PTPRD: variants seen among roughly 807,000 people sequenced by gnomAD.
The protein encoded by PTPRD is receptor-type tyrosine-protein phosphatase delta.
PTPRD carries 34 observed loss-of-function variants against 214.5 expected under a neutral mutation model. The observed-to-expected ratio is 0.16, with a 90% confidence interval of 0.12 to 0.21. The LOEUF is 0.21. Among genes scored for constraint, PTPRD ranks in the 10% least tolerant of loss-of-function variants. The probability of loss-of-function intolerance (pLI) is 1.00; values close to 1 mark genes in which losing one functional copy is unlikely to be tolerated. For missense variants in PTPRD, 2,545 were observed against 2,398.7 expected (o/e 1.06, Z -1.27); for synonymous variants, 1,128 against 845.7 (o/e 1.33, Z -5.79).
Position 10,343,978 on chromosome 9 carries a change from GTTTTTTTTTTTTT to G in PTPRD, c.-599-2974_-599-2962del, listed in dbSNP as rs139613939. 3.5e-3 allele frequency among the ~76,000 whole-genome samples: 111 copies of G among 31,678 alleles called. 3 individuals are homozygous for G. The East Asian group carries it at 0.061, about 17-fold the overall frequency. 20.8% of individuals were successfully genotyped at this position (31,678 alleles called of 152,430 possible). A position where few individuals can be genotyped will look rare whatever the true frequency, so the allele number is the denominator to read the frequency against. The stretch of plus-strand genomic sequence containing the variant: ...AGGTTGCCTGTTCATTCTGATGGTA[GTTTTTTTTTTTTT>G]TTTTTTTTTTTTTTTTGCTGTGCAG... On this transcript the variant is annotated intron_variant, in intron 2 of 45. Coordinates refer to ENST00000381196, the MANE Select transcript of PTPRD (RefSeq NM_002839.4).
At chr9:10,346,726 A>T (rs535597444) in intron 2 of PTPRD, among the ~76,000 whole-genome samples, 1 of 152,138 alleles carries the variant, frequency 6.6e-6, no homozygotes, top group African/African-American at 2.4e-5. Context: ...GAGAGAGGAT[A>T]TCTTGTTTTC....
chr9:8,910,377 G>A (rs1426064065), intron 11 of PTPRD, among the ~76,000 whole-genome samples: 1 of 152,112 alleles, frequency 6.6e-6, no homozygotes, highest in African/African-American at 2.4e-5. Context: ...AGTATTGAGA[G>A]TGGGGCCTTT....
intron 11 of PTPRD, among the ~76,000 whole-genome samples, chr9:8,759,815 C>T (rs1014706948): frequency 2.6e-5 from 4 of 152,158 alleles, no homozygotes; most frequent in Non-Finnish European, 4.4e-5. Context: ...AGTGGTTCTT[C>T]TCTTCTTCCG....
At chr9:9,895,859 C>T (rs1220175393) in intron 5 of PTPRD, among the ~76,000 whole-genome samples, 1 of 152,024 alleles carries the variant, frequency 6.6e-6, no homozygotes, top group African/African-American at 2.4e-5. Context: ...TGATAAATAA[C>T]TTAAAAATCG....
chr9:9,958,795 A>G (rs1287355073), intron 4 of PTPRD, among the ~76,000 whole-genome samples: 1 of 152,194 alleles, frequency 6.6e-6, no homozygotes, highest in African/African-American at 2.4e-5. Flanking sequence ...AATGATGCTC[A>G]ATATCATAAA....
chr9:9,385,910 A>G (rs1322055902), intron 9 of PTPRD, among the ~76,000 whole-genome samples: 1 of 152,176 alleles, frequency 6.6e-6, no homozygotes, highest in Non-Finnish European at 1.5e-5. Flanking sequence ...TTCTTTTAAA[A>G]TATGCTGTAT....
chr9:9,608,649 CAT>C (rs1383631593), intron 7 of PTPRD, among the ~76,000 whole-genome samples: 1 of 152,152 alleles, frequency 6.6e-6, no homozygotes, highest in Non-Finnish European at 1.5e-5. Context: ...TTCATTCTGG[CAT>C]AGAATCCTTA....
At chr9:8,756,034 T>G (rs2093963449) in intron 11 of PTPRD, among the ~76,000 whole-genome samples, 1 of 152,220 alleles carries the variant, frequency 6.6e-6, no homozygotes, top group Non-Finnish European at 1.5e-5. Flanking sequence ...AGACTTTTAG[T>G]TCATACTGGT....
At position 9,991,226 on chromosome 9, in the gene PTPRD, G is replaced by T. The variant is rs528803814; in HGVS notation, c.-472+42492C>A. ...TGGTATTACAGGCATGAGCCACCAT[G>T]CCCGGCTGAGTAAAATATTCTCATA... is the stretch of plus-strand genomic sequence containing the variant. On this transcript the variant is annotated intron_variant, in intron 4 of 45. Transcript: ENST00000381196. 2.6e-5 allele frequency among the ~76,000 whole-genome samples: 4 copies of T among 151,856 alleles called. No individual in the cohort carries two copies. In the South Asian group the frequency reaches 8.3e-4, roughly 32 times the overall value.
At chr9:8,567,637 C>G (rs774720759) in intron 14 of PTPRD, among the ~76,000 whole-genome samples, 1 of 152,146 alleles carries the variant, frequency 6.6e-6, no homozygotes, top group Non-Finnish European at 1.5e-5. Flanking sequence ...TGCGTGTAAT[C>G]TCCTATTCTA....
intron 3 of PTPRD, among the ~76,000 whole-genome samples, chr9:10,247,209 G>A (rs1420854654): frequency 2.0e-5 from 3 of 152,106 alleles, no homozygotes; most frequent in Non-Finnish European, 4.4e-5. Context: ...TACCTAGAGA[G>A]ACAATAGTAT....
intron 11 of PTPRD, among the ~76,000 whole-genome samples, chr9:9,015,008 T>C (rs2099528565): frequency 6.6e-6 from 1 of 152,088 alleles, no homozygotes; most frequent in South Asian, 2.1e-4. Flanking sequence ...ATGAGTAGAG[T>C]AAGAATTACT....
At chr9:8,848,447 C>T (rs1192817188) in intron 11 of PTPRD, among the ~76,000 whole-genome samples, 1 of 150,972 alleles carries the variant, frequency 6.6e-6, no homozygotes, top group African/African-American at 2.4e-5. Context: ...GTGATCCTCC[C>T]ATCTCAGCTT....
intron 3 of PTPRD, among the ~76,000 whole-genome samples, chr9:10,192,191 A>T (rs294855): frequency 0.56 from 85,576 of 151,816 alleles, 27,122 homozygotes; most frequent in African/African-American, 0.88. Flanking sequence ...TTTTGTTTTT[A>T]AATAGGCAGA....
At chr9:9,329,532 CT>C (rs1429840629) in intron 9 of PTPRD, among the ~76,000 whole-genome samples, 3 of 152,150 alleles carry the variant, frequency 2.0e-5, no homozygotes, top group African/African-American at 7.2e-5. Context: ...TATTCTCTGT[CT>C]GGATATACAA....
intron 12 of PTPRD, among the ~76,000 whole-genome samples, chr9:8,733,238 T>C (rs1028400422): frequency 1.3e-5 from 2 of 152,088 alleles, no homozygotes; most frequent in Non-Finnish European, 2.9e-5. Context: ...AGACCCTTCA[T>C]CCAGCCACAA....
At chr9:10,280,241 G>A (rs1025535157) in intron 3 of PTPRD, among the ~76,000 whole-genome samples, 4 of 151,996 alleles carry the variant, frequency 2.6e-5, no homozygotes, top group African/African-American at 9.7e-5. Flanking sequence ...AAAGAGTAAT[G>A]TAGTTAAATT....
At chr9:10,354,079 A>G (rs2097227216) in intron 2 of PTPRD, among the ~76,000 whole-genome samples, 1 of 152,080 alleles carries the variant, frequency 6.6e-6, no homozygotes, top group South Asian at 2.1e-4. Context: ...CACTTCCAAA[A>G]TACATTATCC....
intron 3 of PTPRD, among the ~76,000 whole-genome samples, chr9:10,099,023 A>T (rs562519121): frequency 6.6e-6 from 1 of 151,944 alleles, no homozygotes; most frequent in South Asian, 2.1e-4. Context: ...ATCTTTTGGA[A>T]CATTCTAAGC....
Sources: gnomAD v4.1 joint callset for allele counts (sites outside exome capture counted in the v4.1 genomes callset) on GRCh38, gnomAD v4.1.1 for gene constraint, MANE v1.5 for transcripts, NCBI Gene and HGNC (gene_info 2026-07-23, HGNC 2026-07-21) for gene names.